The following FER variants were observed in gnomAD, a reference collection of about 807,000 sequenced individuals.
FER encodes the protein FER tyrosine kinase.
In FER, 63 loss-of-function variants were observed where a neutral mutation model predicts 111.0. That is an observed-to-expected ratio of 0.57 (90% confidence interval 0.46 to 0.70). FER has a LOEUF of 0.70. Ranked by LOEUF, FER falls within the 30% of genes least tolerant of loss-of-function variation. The pLI, the probability that FER is intolerant of heterozygous loss-of-function variation, is 0.00. For synonymous variants in FER, 327 were observed against 313.9 expected (o/e 1.04, Z -0.44); for missense variants, 914 against 954.0 (o/e 0.96, Z 0.55).
intron 17 of FER, among the ~76,000 whole-genome samples, chr5:109,132,847 C>CT (rs1752502505): frequency 6.6e-6 from 1 of 152,160 alleles, no homozygotes; most frequent in South Asian, 2.1e-4. Flanking sequence ...TGAGGATAGA[C>CT]TTCAGGCTCC....
chr5:108,954,642 A>G (rs191868077), intron 11 of FER, 87 bp from the exon 12 acceptor site: 2 of 999,170 alleles, frequency 2.0e-6, no homozygotes, highest in East Asian at 5.4e-5. Context: ...AACATTTGTA[A>G]GAAGCCTTTA....
At chr5:109,086,366 T>C (rs1277071036) in intron 16 of FER, among the ~76,000 whole-genome samples, 1 of 151,802 alleles carries the variant, frequency 6.6e-6, no homozygotes, top group Non-Finnish European at 1.5e-5. Flanking sequence ...CCTGTAAAGA[T>C]GTTTCATCTT....
At chr5:109,117,249 C>T (rs1253917301) in intron 17 of FER, among the ~76,000 whole-genome samples, 1 of 152,050 alleles carries the variant, frequency 6.6e-6, no homozygotes, top group Non-Finnish European at 1.5e-5. Context: ...AAGTCTATTT[C>T]TCTGTACATT....
Position 108,955,469 on chromosome 5 carries a change from ATC to A in FER, c.1533+539_1533+540del, listed in dbSNP as rs1758313018. 3.9e-5 allele frequency among the ~76,000 whole-genome samples: 6 copies of A among 151,900 alleles called. No individual in the cohort carries two copies. In the South Asian group the frequency reaches 1.2e-3, roughly 31 times the overall value. Reference sequence around the variant, plus strand: ...AATAGAAATTAATGAAGAATTAAAAATCTATTTACATTGATTATTCTAATGCT... The same window carrying A: ...AATAGAAATTAATGAAGAATTAAAAATATTTACATTGATTATTCTAATGCT... On this transcript the variant is annotated intron_variant, in intron 12 of 19. Coordinates refer to ENST00000281092, the MANE Select transcript of FER (RefSeq NM_005246.4).
chr5:108,999,893 T>C (rs1764497505), intron 13 of FER, among the ~76,000 whole-genome samples: 1 of 152,100 alleles, frequency 6.6e-6, no homozygotes. Context: ...TAGTCTCTTT[T>C]AATAAGTAGG....
intron 11 of FER, among the ~76,000 whole-genome samples, chr5:108,947,863 G>T (rs1014331436): frequency 4.6e-5 from 7 of 151,334 alleles, no homozygotes; most frequent in African/African-American, 1.7e-4. Context: ...TGAGGTACAG[G>T]TTCAAATTTT....
At chr5:108,997,241 T>TGA (rs1554112110) in intron 13 of FER, among the ~76,000 whole-genome samples, 2 of 133,264 alleles carry the variant, frequency 1.5e-5, no homozygotes, top group South Asian at 5.0e-4. Flanking sequence ...CCGTCTCTAC[T>TGA]AAAAAAAAAA....
chr5:109,157,777 G>C (rs1755555501), intron 17 of FER, among the ~76,000 whole-genome samples: 1 of 152,054 alleles, frequency 6.6e-6, no homozygotes. Flanking sequence ...GGGGACTTGA[G>C]AACTTTGATG....
chr5:108,781,576 T>C (rs938999377), intron 2 of FER, among the ~76,000 whole-genome samples: 4 of 152,206 alleles, frequency 2.6e-5, no homozygotes, highest in Admixed American at 1.3e-4. Flanking sequence ...GGAGCTGCTG[T>C]ATAGGTCTTT....
intron 2 of FER, among the ~76,000 whole-genome samples, chr5:108,772,021 G>A (rs1752952316): frequency 6.6e-6 from 1 of 152,168 alleles, no homozygotes; most frequent in African/African-American, 2.4e-5. Flanking sequence ...AGCAGGTTTA[G>A]TGTCTGGAGA....
Position 109,187,612 on chromosome 5 carries a change from G to A in FER, c.*37G>A, listed in dbSNP as rs1226171693. ...CGCCAAACTCAGCCTTCAGGACTCT[G>A]TCCTCCAGCAGAGTAACATTATTGT... On this transcript the variant is annotated 3_prime_UTR_variant, in exon 20 of 20. Transcript: ENST00000281092. The A allele has an allele frequency of 8.7e-6, 14 of 1,611,164 alleles. No individual in the cohort carries two copies. The highest frequency in any genetic ancestry group is 1.2e-5 in the Non-Finnish European group (14 of 1,178,378).
chr5:108,883,776 T>C lies in FER; in HGVS notation c.1046+258T>C, dbSNP rs141173876. On this transcript the variant is annotated intron_variant, in intron 9 of 19. Transcript: ENST00000281092. ...TCATATGTCTCAATGTTTTAACAGT[T>C]TGAACTATCTTTCAAAAATTCATTG... Among the ~76,000 whole-genome samples the C allele has an allele frequency of 5.3e-5, 8 of 152,158 alleles. No homozygotes were observed. In the East Asian group the frequency reaches 1.5e-3, roughly 29 times the overall value.
At chr5:109,067,259 T>TGTTGTTGTA (rs1381659201) in intron 16 of FER, among the ~76,000 whole-genome samples, 1 of 148,066 alleles carries the variant, frequency 6.8e-6, no homozygotes, top group Non-Finnish European at 1.5e-5. Context: ...TTGTTGTTGT[T>TGTTGTTGTA]GTTGCTGTTG....
intron 10 of FER, among the ~76,000 whole-genome samples, chr5:108,943,299 G>A (rs1218293216): frequency 2.0e-5 from 3 of 152,148 alleles, no homozygotes; most frequent in African/African-American, 4.8e-5. Context: ...ATTTTATCTA[G>A]CCAGTGCCTT....
At chr5:109,023,625 A>G (rs745517800) in intron 13 of FER, among the ~76,000 whole-genome samples, 31 of 150,502 alleles carry the variant, frequency 2.1e-4, no homozygotes, top group Non-Finnish European at 4.3e-4. Flanking sequence ...TTTATTCTCT[A>G]TCTCAGTATT....
rs188268942 is a variant in FER, at chr5:108,963,259, A to G, written c.1656+3912A>G. Among the ~76,000 whole-genome samples the G allele has an allele frequency of 3.3e-5, 5 of 152,288 alleles. 1 individual carries two copies. In the South Asian group the frequency reaches 1.0e-3, roughly 32 times the overall value. On this transcript the variant is annotated intron_variant, in intron 13 of 19. Transcript: ENST00000281092. ...TCTGAATCGAAGGTAAAGCAAAAAC[A>G]TTTATGATTAAATGTAGATTAGGCC...
chr5:109,143,447 A>G (rs1203296617), intron 17 of FER, among the ~76,000 whole-genome samples: 2 of 152,084 alleles, frequency 1.3e-5, no homozygotes, highest in East Asian at 1.9e-4. Context: ...TTTTTGTTTC[A>G]CTCGACCTGT....
intron 9 of FER, among the ~76,000 whole-genome samples, chr5:108,891,818 C>T (rs1460944000): frequency 2.0e-5 from 3 of 152,040 alleles, no homozygotes; most frequent in Non-Finnish European, 4.4e-5. Flanking sequence ...CTCCCCCTTC[C>T]CCCACGCAAC....
At chr5:108,970,309 A>G (rs1046399521) in intron 13 of FER, among the ~76,000 whole-genome samples, 6 of 151,806 alleles carry the variant, frequency 4.0e-5, no homozygotes, top group Non-Finnish European at 7.4e-5. Flanking sequence ...TCTGCCTCTC[A>G]GGTTCACGCC....
Sources: gnomAD v4.1 joint callset for allele counts (sites outside exome capture counted in the v4.1 genomes callset) on GRCh38, gnomAD v4.1.1 for gene constraint, MANE v1.5 for transcripts, NCBI Gene and HGNC (gene_info 2026-07-23, HGNC 2026-07-21) for gene names.